Variants in GDA observed in about 807,000 individuals in gnomAD.
The protein encoded by GDA is guanine deaminase.
A neutral mutation model predicts 59.6 loss-of-function variants in GDA; 18 were observed. The observed-to-expected ratio is 0.30, with a 90% CI of 0.21 to 0.45. The LOEUF (loss-of-function observed/expected upper bound fraction) is 0.45, where lower values mean the gene tolerates loss of function less well. Ranked by LOEUF, GDA falls within the 20% of genes least tolerant of loss-of-function variation. GDA has a pLI of 1.00. For missense variants in GDA, 427 were observed against 552.3 expected, an observed-to-expected ratio of 0.77 and a Z score of 2.27; for synonymous variants, 201 against 201.1, an observed-to-expected ratio of 1.00 and a Z score of 0.00.
In GDA at chr9:72,202,624, C is replaced by T. The variant is rs1188430296; in HGVS notation, c.266C>T (p.Ser89Phe). Reference protein sequence around the residue: ...VDTHIHASQYSFAGSSIDLPL... With the variant: ...VDTHIHASQYFFAGSSIDLPL... ...ACACACATCCATGCCTCTCAGTATT[C>T]CTTTGCTGGAAGTAGCATAGACCTG... The change falls in exon 3 of 14, where the codon TCC becomes TTC. Residue 89 changes from serine (S) to phenylalanine (F), a missense_variant. Transcript: ENST00000358399. The T allele has an allele frequency of 6.2e-7, 1 of 1,611,218 alleles. No individual in the cohort carries two copies. The highest frequency in any genetic ancestry group is 1.3e-5 in the African/African-American group (1 of 74,864).
intron 6 of GDA, among the ~76,000 whole-genome samples, chr9:72,220,646 T>C (rs989738573): frequency 6.6e-6 from 1 of 152,100 alleles, no homozygotes; most frequent in Non-Finnish European, 1.5e-5. Flanking sequence ...GATTGGTTTC[T>C]GGCAAGCAGG....
chr9:72,138,237 C>T (rs529398563), intron 1 of GDA, among the ~76,000 whole-genome samples: 1 of 152,342 alleles, frequency 6.6e-6, no homozygotes, highest in East Asian at 1.9e-4. Context: ...CACCACCTCC[C>T]TCTGTGCCCA....
At chr9:72,129,216 G>T (rs1283934047) in intron 1 of GDA, among the ~76,000 whole-genome samples, 1 of 152,110 alleles carries the variant, frequency 6.6e-6, no homozygotes, top group Non-Finnish European at 1.5e-5. Flanking sequence ...ACCTGCCTTG[G>T]CCTCCCAAAG....
rs565688430 is a variant in GDA at position 72,205,137 on chromosome 9, G to A, written c.384+2395G>A. ...AAAAAAAAAAAAAAAAAAAAATTGC[G>A]GAGCACATATCCTATGTTCTTTCTT... On this transcript the variant is annotated intron_variant, in intron 3 of 13. Transcript: ENST00000358399. 2.7e-4 allele frequency among the ~76,000 whole-genome samples: 40 copies of A among 149,700 alleles called. 2 individuals are homozygous for A. Among genetic ancestry groups the A allele is most frequent in the South Asian group, 1.7e-3 (8 of 4,700 alleles).
intron 1 of GDA, among the ~76,000 whole-genome samples, chr9:72,165,270 T>C (rs1372338071): frequency 1.3e-5 from 2 of 152,216 alleles, no homozygotes; most frequent in African/African-American, 2.4e-5. Flanking sequence ...TTGGCAAATA[T>C]ATGTGTCAGA....
chr9:72,212,889 C>T (rs1443104240), intron 4 of GDA, among the ~76,000 whole-genome samples: 2 of 152,118 alleles, frequency 1.3e-5, no homozygotes, highest in African/African-American at 4.8e-5. Flanking sequence ...GCTCCTTTAC[C>T]ATGTGATAAA....
intron 1 of GDA, among the ~76,000 whole-genome samples, chr9:72,127,410 G>A (rs750121484): frequency 1.6e-4 from 25 of 151,988 alleles, no homozygotes; most frequent in Non-Finnish European, 2.8e-4. Context: ...AGGCGGAGGT[G>A]GGCGGATCAT....
chr9:72,121,952 A>C (rs1222621392), intron 1 of GDA, among the ~76,000 whole-genome samples: 1 of 152,016 alleles, frequency 6.6e-6, no homozygotes, highest in African/African-American at 2.4e-5. Context: ...ATGAAATACC[A>C]CTTTGCTAGT....
At chr9:72,137,868 G>A (rs559632651) in intron 1 of GDA, among the ~76,000 whole-genome samples, 3 of 152,158 alleles carry the variant, frequency 2.0e-5, no homozygotes, top group East Asian at 3.9e-4. Context: ...AGAGAAACAC[G>A]AAGGGTGGCT....
intron 1 of GDA, among the ~76,000 whole-genome samples, chr9:72,193,548 A>C (rs1832806771): frequency 6.6e-6 from 1 of 152,180 alleles, no homozygotes; most frequent in Admixed American, 6.5e-5. Flanking sequence ...GGCCACAATC[A>C]CCCTTATGGC....
At chr9:72,118,893 G>A (rs928432791) in intron 1 of GDA, among the ~76,000 whole-genome samples, 2 of 152,118 alleles carry the variant, frequency 1.3e-5, no homozygotes, top group Non-Finnish European at 1.5e-5. Flanking sequence ...GGATCATTTA[G>A]TACAGGGACT....
At chr9:72,178,378 G>A (rs116226613) in intron 1 of GDA, among the ~76,000 whole-genome samples, 2,617 of 150,320 alleles carry the variant, frequency 0.017, 77 homozygotes, top group African/African-American at 0.06. Flanking sequence ...AAGTCTGCCT[G>A]TAGGCTTACG....
intron 1 of GDA, among the ~76,000 whole-genome samples, chr9:72,142,551 C>T (rs1479562201): frequency 6.7e-6 from 1 of 148,716 alleles, no homozygotes; most frequent in Non-Finnish European, 1.5e-5. Flanking sequence ...CCAGCCTGGG[C>T]AACAGAGCAA....
chr9:72,210,272 G>A (rs910974071), intron 3 of GDA, among the ~76,000 whole-genome samples: 3 of 152,114 alleles, frequency 2.0e-5, no homozygotes, highest in African/African-American at 4.8e-5. Flanking sequence ...TGTAGTTTGC[G>A]AAGGAAAGGA....
At chr9:72,222,288 G>T (rs1350787386) in intron 6 of GDA, among the ~76,000 whole-genome samples, 3 of 152,018 alleles carry the variant, frequency 2.0e-5, no homozygotes, top group Non-Finnish European at 1.5e-5. Context: ...TTACAGTTTT[G>T]ATTTGTATTT....
In GDA at chr9:72,248,289, G is replaced by A. The variant is rs1373375362; in HGVS notation, c.1312G>A (p.Glu438Lys). Residue 438 changes from glutamate (E) to lysine (K), a missense_variant, in exon 14 of 14, where the codon GAA becomes AAA. By Grantham distance (56) the Glu-to-Lys change is moderately conservative. Coordinates refer to ENST00000358399, the MANE Select transcript of GDA (RefSeq NM_004293.5). Reference protein sequence around the residue: ...FLYLGDDRNIEEVYVGGKQVV... With the variant: ...FLYLGDDRNIKEVYVGGKQVV... ...TCTTTCAGGAGATGATCGAAATATT[G>A]AAGAGGTTTATGTGGGCGGAAAGCA... 4 of 1,611,726 alleles carry A rather than the reference G, an allele frequency of 2.5e-6. No homozygotes were observed. The Admixed American group carries it at 5.0e-5, about 20-fold the overall frequency.
At position 72,223,228 on chromosome 9, in the gene GDA, G is replaced by A; in HGVS notation, c.714+1G>A. 1.3e-6 allele frequency: 2 copies of A among 1,567,722 alleles called. No individual in the cohort carries two copies. The highest frequency in any genetic ancestry group is 1.1e-5 in the South Asian group (1 of 90,044). On this transcript the variant is annotated splice_donor_variant, in intron 7 of 13. Transcript: ENST00000358399. LOFTEE classifies it high-confidence loss of function. The stretch of plus-strand genomic sequence containing the variant: ...TAAAACCCGTGATTTGCACATTCAG[G>A]TGGGTATTCTTCTTCTCTTTATGCC...
At chr9:72,116,532 G>A (rs1202036920) in intron 1 of GDA, among the ~76,000 whole-genome samples, 3 of 151,620 alleles carry the variant, frequency 2.0e-5, no homozygotes, top group African/African-American at 4.8e-5. Context: ...ACAGGTGTGC[G>A]CCACCATGCC....
At chr9:72,135,624 G>A (rs893236440) in intron 1 of GDA, among the ~76,000 whole-genome samples, 3 of 152,096 alleles carry the variant, frequency 2.0e-5, no homozygotes, top group Non-Finnish European at 2.9e-5. Flanking sequence ...CCTCGATCAA[G>A]CTCTTGTGAC....
Sources: gnomAD v4.1 joint callset for allele counts (sites outside exome capture counted in the v4.1 genomes callset) on GRCh38, gnomAD v4.1.1 for gene constraint, MANE v1.5 for transcripts, NCBI Gene and HGNC (gene_info 2026-07-23, HGNC 2026-07-21) for gene names.